ADAR: variants seen among roughly 807,000 people sequenced by gnomAD.
ADAR encodes the protein adenosine deaminase RNA specific, also known as double-stranded RNA-specific adenosine deaminase.
In ADAR, 41 loss-of-function variants were observed where a neutral mutation model predicts 113.2. The observed-to-expected ratio is 0.36, with a 90% confidence interval of 0.28 to 0.47. The LOEUF is 0.47. ADAR is among the 20% of genes least tolerant of loss of function. The probability of loss-of-function intolerance (pLI) is 1.00; values close to 1 mark genes in which losing one functional copy is unlikely to be tolerated. For synonymous variants in ADAR, 605 were observed against 572.6 expected, an observed-to-expected ratio of 1.06 and a Z score of -0.81; for missense variants, 1,242 against 1,540.9, an observed-to-expected ratio of 0.81 and a Z score of 3.25.
At chr1:154,607,251 C>T (rs1469232022) in intron 1 of ADAR, among the ~76,000 whole-genome samples, 3 of 152,022 alleles carry the variant, frequency 2.0e-5, no homozygotes, top group Non-Finnish European at 4.4e-5. Flanking sequence ...CTTAGCATAA[C>T]GCACTTGCGA....
upstream of ADAR, among the ~76,000 whole-genome samples, chr1:154,611,682 G>A (rs1270026397): frequency 1.3e-5 from 2 of 152,184 alleles, no homozygotes; most frequent in East Asian, 3.8e-4. Flanking sequence ...ACACATGGGT[G>A]GTCAGTCCTC....
intron 6 of ADAR, among the ~76,000 whole-genome samples, chr1:154,595,599 G>A (rs1697436949): frequency 6.6e-6 from 1 of 152,080 alleles, no homozygotes; most frequent in South Asian, 2.1e-4. Flanking sequence ...ACATGTTTGT[G>A]TTTTAAGCTA....
rs1697013537 is a variant in ADAR at position 154,589,884 on chromosome 1, C to T, written c.2541G>A (p.Leu847=). ...GSTFHDQIAM[L]SHRCFNTLTN... ...TCAGAGTGTTGAAGCACCGGTGGCTCAGCATGGCTATCTGGTCATGGAAGG... is the reference window on the plus strand; with the variant it reads ...TCAGAGTGTTGAAGCACCGGTGGCTTAGCATGGCTATCTGGTCATGGAAGG... Residue 847 remains leucine (L), a synonymous_variant, in exon 8 of 15, where the codon CTG becomes CTA. Coordinates refer to ENST00000368474, the MANE Select transcript of ADAR (RefSeq NM_001111.5). 1.2e-6 allele frequency: 2 copies of T among 1,614,012 alleles called. No individual in the cohort carries two copies. Among genetic ancestry groups the T allele is most frequent in the African/African-American group, 2.7e-5 (2 of 75,018 alleles).
rs900410321 is a variant in ADAR at position 154,605,640 on chromosome 1, C to G, written c.15+2352G>C. Among the ~76,000 whole-genome samples, 6 of 152,274 alleles carry G rather than the reference C, an allele frequency of 3.9e-5. No homozygotes were observed. In the East Asian group the frequency reaches 1.2e-3, roughly 29 times the overall value. ...AACCTCTCTAGCACTTGGCACAAAGCTGATTCTCAACAAACATTTGTTGAA... is the reference window on the plus strand; with the variant it reads ...AACCTCTCTAGCACTTGGCACAAAGGTGATTCTCAACAAACATTTGTTGAA... On this transcript the variant is annotated intron_variant, in intron 1 of 14. Transcript: ENST00000368474.
chr1:154,622,611 C>A (rs1451412955), intron 1 of ADAR, among the ~76,000 whole-genome samples: 1 of 152,186 alleles, frequency 6.6e-6, no homozygotes, highest in Non-Finnish European at 1.5e-5. Context: ...TGAAACATCA[C>A]ACAGGGTAGA....
chr1:154,623,571 G>A (rs917634250), intron 1 of ADAR, among the ~76,000 whole-genome samples: 1 of 152,182 alleles, frequency 6.6e-6, no homozygotes, highest in Non-Finnish European at 1.5e-5. Flanking sequence ...TCCCAAGAGT[G>A]AGCCTATGAT....
At chr1:154,588,087 C>G (rs752123489) in intron 11 of ADAR, 38 bp downstream of exon 11, 1 of 1,612,008 alleles carries the variant, frequency 6.2e-7, no homozygotes, top group Non-Finnish European at 8.5e-7. Context: ...CCTTGCAGAG[C>G]CTTTTGAGGA....
Position 154,582,475 on chromosome 1 carries a change from A to AGGGGCCTG in ADAR, c.*2330_*2331insCAGGCCCC, listed in dbSNP as rs1557858480. On this transcript the variant is annotated 3_prime_UTR_variant, in exon 15 of 15. Transcript: ENST00000368474. ...GCCTCCTCTGTCCTGTGTGACTCAGAGGGGCATGGGGGCGCAGGGATGTGC... is the reference window on the plus strand; with the variant it reads ...GCCTCCTCTGTCCTGTGTGACTCAGAGGGGCCTGGGGGCATGGGGGCGCAGGGATGTGC... 6.6e-6 allele frequency: 1 copy of AGGGGCCTG among 151,520 alleles called. No individual in the cohort carries two copies. The highest frequency in any genetic ancestry group is 2.4e-5 in the African/African-American group (1 of 41,142). 9.4% of individuals were successfully genotyped at this position (151,520 alleles called of 1,614,324 possible).
chr1:154,608,170 C>A lies in ADAR; in HGVS notation c.-164G>T. 2 of 813,582 alleles carry A rather than the reference C, an allele frequency of 2.5e-6. No homozygotes were observed. Among genetic ancestry groups the A allele is most frequent in the Non-Finnish European group, 1.8e-6 (1 of 556,366 alleles). The allele number at this position is 813,582 out of a possible 1,614,324, so 50.4% of individuals were successfully genotyped here. On this transcript the variant is annotated 5_prime_UTR_variant, in exon 1 of 15. Transcript: ENST00000368474. ...ACTCCGCGGGTCTGCGCGCCGGGCC[C>A]AAGATGGCTCCGGTTCAATTTCGCT...
chr1:154,613,503 G>A (rs1321438381), intron 1 of ADAR, among the ~76,000 whole-genome samples: 1 of 150,814 alleles, frequency 6.6e-6, no homozygotes, highest in Non-Finnish European at 1.5e-5. Context: ...CAGGCTGGTC[G>A]CAAACTCCTG....
At chr1:154,588,697 G>C (rs1387186969) in intron 9 of ADAR, 24 bp from the exon 10 acceptor site, 1 of 1,614,044 alleles carries the variant, frequency 6.2e-7, no homozygotes, top group Non-Finnish European at 8.5e-7. Flanking sequence ...GTCTGGTTAG[G>C]AAGGCAGGTT....
intron 2 of ADAR, chr1:154,600,759 A>G (rs1697816409): frequency 2.1e-6 from 1 of 486,756 alleles, no homozygotes; most frequent in Non-Finnish European, 3.7e-6. Flanking sequence ...GGCATGAGCC[A>G]CCGCGTACGG....
At chr1:154,626,505 C>T (rs1043113319) in intron 1 of ADAR, among the ~76,000 whole-genome samples, 8 of 152,118 alleles carry the variant, frequency 5.3e-5, no homozygotes, top group African/African-American at 1.9e-4. Context: ...CCTCCACTAC[C>T]ACCCCCAAGT....
intron 1 of ADAR, among the ~76,000 whole-genome samples, chr1:154,603,359 G>C (rs1698004329): frequency 6.6e-6 from 1 of 152,166 alleles, no homozygotes; most frequent in South Asian, 2.1e-4. Flanking sequence ...AGGGTTTCCT[G>C]ATAAAAATGG....
rs966534147 is a variant in ADAR, at chr1:154,601,564, G to A, written c.1078C>T (p.Arg360Ter). The change falls in exon 2 of 15, where the codon CGA (arginine) becomes TGA (stop). Residue 360 changes from arginine (R) to a stop codon, truncating the protein, a stop_gained. Transcript: ENST00000368474. LOFTEE classifies it high-confidence loss of function. The surrounding 1 kb of genome is among the most constrained non-coding windows in gnomAD (Gnocchi z 4.7). ...PPIWHLTDKK[R>*]ERMQIKRNTN... ...TTTCTCTTGATTTGCATCCTCTCTC[G>A]CTTCTTGTCTGTCAAATGCCATATG... The A allele has an allele frequency of 1.9e-6, 3 of 1,612,138 alleles. No individual in the cohort carries two copies. Among genetic ancestry groups the A allele is most frequent in the Non-Finnish European group, 2.5e-6 (3 of 1,180,006 alleles).
At position 154,596,731 on chromosome 1, in the gene ADAR, C is replaced by T. The variant is rs1697521503; in HGVS notation, c.2270+74G>A. The T allele has an allele frequency of 3.2e-6, 5 of 1,565,656 alleles. No homozygotes were observed. The Admixed American group carries it at 5.0e-5, about 16-fold the overall frequency. On this transcript the variant is annotated intron_variant, in intron 6 of 14. Coordinates refer to ENST00000368474, the MANE Select transcript of ADAR (RefSeq NM_001111.5). ...CCTTCTGTCCTACACAGCTAAAGCA[C>T]ACCCTTGTTTTCCCTGGGTTACAGA... is the stretch of plus-strand genomic sequence containing the variant.
intron 1 of ADAR, among the ~76,000 whole-genome samples, chr1:154,624,680 C>A (rs1366970466): frequency 6.6e-6 from 1 of 152,162 alleles, no homozygotes; most frequent in Non-Finnish European, 1.5e-5. Context: ...AACTCTTTAT[C>A]CCTGATGTCA....
chr1:154,611,500 C>T (rs867290268), upstream of ADAR, among the ~76,000 whole-genome samples: 7 of 151,368 alleles, frequency 4.6e-5, no homozygotes, highest in Admixed American at 3.3e-4. Flanking sequence ...AGGAACTTGA[C>T]GAGTTGGATG....
intron 1 of ADAR, among the ~76,000 whole-genome samples, chr1:154,620,302 G>A (rs1361402927): frequency 6.6e-6 from 1 of 152,086 alleles, no homozygotes; most frequent in Non-Finnish European, 1.5e-5. Context: ...AGCTACTTGG[G>A]AGGCTAAGGC....
Sources: gnomAD v4.1 joint callset for allele counts (sites outside exome capture counted in the v4.1 genomes callset) on GRCh38, gnomAD v4.1.1 for gene constraint, Gnocchi (gnomAD v3.1) non-coding constraint, MANE v1.5 for transcripts, NCBI Gene and HGNC (gene_info 2026-07-23, HGNC 2026-07-21) for gene names.